ACOT7: variants seen among roughly 807,000 people sequenced by gnomAD.
The protein encoded by ACOT7 is cytosolic acyl coenzyme A thioester hydrolase.
A neutral mutation model predicts 40.2 loss-of-function variants in ACOT7; 12 were observed. The observed-to-expected ratio is 0.30, with a 90% CI of 0.19 to 0.48. The LOEUF is 0.48. Among genes scored for constraint, ACOT7 ranks in the 20% least tolerant of loss-of-function variants. The pLI is 0.99. For missense variants in ACOT7, 395 were observed against 530.8 expected, an observed-to-expected ratio of 0.74 and a Z score of 2.51; for synonymous variants, 228 against 219.5, an observed-to-expected ratio of 1.04 and a Z score of -0.34.
At chr1:6,380,580 C>A (rs1642315295) in intron 1 of ACOT7, among the ~76,000 whole-genome samples, 2 of 140,700 alleles carry the variant, frequency 1.4e-5, no homozygotes, top group Admixed American at 6.8e-5. Context: ...CAGAGCAAGA[C>A]CGTCTCAAAA....
chr1:6,319,777 T>A (rs1325275522), intron 5 of ACOT7, among the ~76,000 whole-genome samples: 1 of 152,216 alleles, frequency 6.6e-6, no homozygotes, highest in Non-Finnish European at 1.5e-5. Context: ...TCCTGGCAGG[T>A]CACCTAGCCC....
chr1:6,378,375 G>A (rs909085655), intron 1 of ACOT7, among the ~76,000 whole-genome samples: 2 of 151,908 alleles, frequency 1.3e-5, no homozygotes, highest in African/African-American at 4.8e-5. Flanking sequence ...CAGACCACGG[G>A]CCTTCCCAGG....
intron 7 of ACOT7, among the ~76,000 whole-genome samples, chr1:6,283,194 C>T (rs1232453167): frequency 2.6e-5 from 4 of 152,198 alleles, no homozygotes; most frequent in Admixed American, 1.3e-4. Context: ...GATGGAGTCT[C>T]GCTCTATTGC....
intron 1 of ACOT7, among the ~76,000 whole-genome samples, chr1:6,377,650 T>A (rs182909964): frequency 6.6e-6 from 1 of 152,336 alleles, no homozygotes; most frequent in East Asian, 1.9e-4. Flanking sequence ...TGTAGTTTCC[T>A]GAGACACCAA....
intron 8 of ACOT7, among the ~76,000 whole-genome samples, chr1:6,276,725 A>G (rs970869005): frequency 2.6e-5 from 4 of 152,066 alleles, no homozygotes; most frequent in African/African-American, 9.7e-5. Context: ...GGCAGTCCCC[A>G]AGTGAGAGCT....
rs1249294067 is a variant in ACOT7 at position 6,392,914 on chromosome 1, G to T, written c.143+343C>A. 2.6e-5 allele frequency among the ~76,000 whole-genome samples: 4 copies of T among 152,092 alleles called. No homozygotes were observed. In the South Asian group the frequency reaches 8.3e-4, roughly 31 times the overall value. On this transcript the variant is annotated intron_variant, in intron 1 of 8. Coordinates refer to ENST00000361521, the MANE Select transcript of ACOT7 (RefSeq NM_007274.4). ...CTCGGGCGAGGCCCGAGGCGGGGCG[G>T]CCCACGGGCGCCGGTCGCCGGGCTC...
chr1:6,323,737 A>C (rs375486877), intron 5 of ACOT7, among the ~76,000 whole-genome samples: 1 of 38,418 alleles, frequency 2.6e-5, no homozygotes, highest in African/African-American at 8.5e-5. Context: ...AAAAAAAAAA[A>C]ATATATATAT....
In ACOT7 at chr1:6,304,393, C is replaced by CTTT. The variant is rs765262733; in HGVS notation, c.713-9416_713-9414dup. 8.8e-4 allele frequency among the ~76,000 whole-genome samples: 98 copies of CTTT among 111,076 alleles called. 1 individual carries two copies. In the East Asian group the frequency reaches 0.011, roughly 12 times the overall value. 72.9% of individuals were successfully genotyped at this position (111,076 alleles called of 152,430 possible). On this transcript the variant is annotated intron_variant, in intron 6 of 8. Coordinates refer to ENST00000361521, the MANE Select transcript of ACOT7 (RefSeq NM_007274.4). ...CCGTACACAGGTAGAAAAGTACGTTCTTTTTTTTTTTTTTTTTTTAATTGA... is the reference window on the plus strand; with the variant it reads ...CCGTACACAGGTAGAAAAGTACGTTCTTTTTTTTTTTTTTTTTTTTTTAATTGA...
At position 6,264,436 on chromosome 1, in the gene ACOT7, T is replaced by C; in HGVS notation, c.*161A>G. The C allele has an allele frequency of 1.6e-6, 1 of 625,816 alleles. No individual in the cohort carries two copies. Among genetic ancestry groups the C allele is most frequent in the Non-Finnish European group, 2.8e-6 (1 of 359,208 alleles). 38.8% of individuals were successfully genotyped at this position (625,816 alleles called of 1,614,324 possible). A position where few individuals can be genotyped will look rare whatever the true frequency, so the allele number is the denominator to read the frequency against. On this transcript the variant is annotated 3_prime_UTR_variant, in exon 9 of 9. Transcript: ENST00000361521. ...ATAAATAAAGCTTTGGTGTGTAGGT[T>C]TGCAGGAGAGAGTACAGGTTAACAC...
In ACOT7 at chr1:6,339,457, C is replaced by T. The variant is rs1202082638; in HGVS notation, c.394G>A (p.Val132Met). 1.9e-6 allele frequency: 3 copies of T among 1,613,644 alleles called. No homozygotes were observed. Among genetic ancestry groups the T allele is most frequent in the South Asian group, 1.1e-5 (1 of 91,074 alleles). ...SKHSVEVQVNVMSENILTGAK... is the reference protein window; with the variant it reads ...SKHSVEVQVNMMSENILTGAK... Reference sequence around the variant, plus strand: ...CCTGTGAGGATGTTTTCGGACATCACGTTGACCTGCACCTCCACAGAGTGC... The same window carrying T: ...CCTGTGAGGATGTTTTCGGACATCATGTTGACCTGCACCTCCACAGAGTGC... Residue 132 changes from valine (V) to methionine (M), a missense_variant, in exon 3 of 9, where the codon GTG becomes ATG. By Grantham distance (21) the Val-to-Met change is conservative. This residue lies in a region of ACOT7 where 309 missense variants were observed against 470.3 expected (regional missense o/e 0.66). Transcript: ENST00000361521.
intron 6 of ACOT7, among the ~76,000 whole-genome samples, chr1:6,305,646 A>G (rs1184977440): frequency 6.8e-6 from 1 of 147,326 alleles, no homozygotes; most frequent in Admixed American, 6.7e-5. Context: ...CCGGGCAGAG[A>G]CGCTCCTCAC....
At chr1:6,331,330 G>C (rs1640947768) in intron 4 of ACOT7, among the ~76,000 whole-genome samples, 1 of 152,212 alleles carries the variant, frequency 6.6e-6, no homozygotes, top group South Asian at 2.1e-4. Context: ...CCTGAGCCCA[G>C]TGACCCGTAC....
chr1:6,383,346 C>T (rs1346086411), intron 1 of ACOT7, among the ~76,000 whole-genome samples: 1 of 150,500 alleles, frequency 6.6e-6, no homozygotes, highest in African/African-American at 2.4e-5. Flanking sequence ...CACCATGACG[C>T]CTGGCTAATT....
chr1:6,295,970 C>T (rs569086762), intron 6 of ACOT7, among the ~76,000 whole-genome samples: 1 of 152,156 alleles, frequency 6.6e-6, no homozygotes, highest in African/African-American at 2.4e-5. Context: ...GTGATGTGAT[C>T]TCAGCTCATC....
chr1:6,370,457 GTATTAT>G (rs34962967), intron 1 of ACOT7, among the ~76,000 whole-genome samples: 4,524 of 140,758 alleles, frequency 0.032, 180 homozygotes, highest in East Asian at 0.12. Flanking sequence ...AGCAGTGTTA[GTATTAT>G]TATTATTATT....
chr1:6,290,679 G>A (rs1268128187), intron 7 of ACOT7, among the ~76,000 whole-genome samples: 2 of 152,304 alleles, frequency 1.3e-5, no homozygotes, highest in South Asian at 2.1e-4. Flanking sequence ...TTACAAAACC[G>A]CTGCCTTCTG....
At chr1:6,386,235 G>A (rs929577075) in intron 1 of ACOT7, among the ~76,000 whole-genome samples, 8 of 152,180 alleles carry the variant, frequency 5.3e-5, no homozygotes, top group African/African-American at 1.2e-4. Context: ...CAGGAGGGCC[G>A]AGGAAAATGC....
rs1640156193 is a variant in ACOT7 at position 6,306,309 on chromosome 1, A to T, written c.713-11329T>A. On this transcript the variant is annotated intron_variant, in intron 6 of 8. Coordinates refer to ENST00000361521, the MANE Select transcript of ACOT7 (RefSeq NM_007274.4). The surrounding 1 kb of genome is among the most constrained non-coding windows in gnomAD (Gnocchi z 4.3). ...TCTGGAAAGGGGTCAGTGCCCCATG[A>T]TTTGAGAGGGATGACGTGCTGGCCA... is the stretch of plus-strand genomic sequence containing the variant. The T allele has an allele frequency of 4.1e-6, 4 of 985,274 alleles. No homozygotes were observed. Among genetic ancestry groups the T allele is most frequent in the Non-Finnish European group, 3.6e-6 (3 of 829,910 alleles). The allele number at this position is 985,274 out of a possible 1,614,324, so 61.0% of individuals were successfully genotyped here. A position where few individuals can be genotyped will look rare whatever the true frequency, so the allele number is the denominator to read the frequency against.
chr1:6,302,634 C>T (rs560196297), intron 6 of ACOT7, among the ~76,000 whole-genome samples: 10 of 152,120 alleles, frequency 6.6e-5, no homozygotes, highest in Admixed American at 2.0e-4. Flanking sequence ...CTGCTGGCTA[C>T]TTAGAGGGAA....
Sources: gnomAD v4.1 joint callset for allele counts (sites outside exome capture counted in the v4.1 genomes callset) on GRCh38, gnomAD v4.1.1 for gene constraint, gnomAD v4.1.1 regional missense constraint, Gnocchi (gnomAD v3.1) non-coding constraint, MANE v1.5 for transcripts, NCBI Gene and HGNC (gene_info 2026-07-23, HGNC 2026-07-21) for gene names.